Variants in NT5C2 observed in about 807,000 individuals in gnomAD.
NT5C2 encodes cytosolic purine 5'-nucleotidase.
In NT5C2, 58 loss-of-function variants were observed where a neutral mutation model predicts 76.1. That is an observed-to-expected ratio of 0.76 (90% CI 0.62 to 0.95). The LOEUF (loss-of-function observed/expected upper bound fraction) is 0.95. Among genes scored for constraint, NT5C2 ranks in the 40% least tolerant of loss-of-function variants. The probability of loss-of-function intolerance (pLI) is 0.00; values close to 1 mark genes in which losing one functional copy is unlikely to be tolerated. For missense variants in NT5C2, 478 were observed against 690.3 expected, an observed-to-expected ratio of 0.69 and a Z score of 3.45; for synonymous variants, 229 against 237.4, an observed-to-expected ratio of 0.96 and a Z score of 0.32.
At chr10:103,137,757 T>A (rs1461053241) in intron 4 of NT5C2, among the ~76,000 whole-genome samples, 1 of 152,202 alleles carries the variant, frequency 6.6e-6, no homozygotes, top group Non-Finnish European at 1.5e-5. Context: ...TTAAATTAAA[T>A]GCATTTCCAC....
At chr10:103,176,532 G>C (rs1481011080) in intron 2 of NT5C2, among the ~76,000 whole-genome samples, 1 of 152,116 alleles carries the variant, frequency 6.6e-6, no homozygotes, top group Admixed American at 6.6e-5. Context: ...GTGTCTGCTG[G>C]CACTTGGGCT....
intron 4 of NT5C2, chr10:103,111,955 C>G (rs2073150737): frequency 4.6e-6 from 2 of 432,414 alleles, no homozygotes; most frequent in South Asian, 2.6e-4. Context: ...AAGCCTCTGA[C>G]CATCACTAAA....
chr10:103,183,176 G>C (rs2091388305), intron 1 of NT5C2, among the ~76,000 whole-genome samples: 1 of 149,394 alleles, frequency 6.7e-6, no homozygotes, highest in Non-Finnish European at 1.5e-5. Context: ...TGTGAAATAA[G>C]CTATAGCTTT....
chr10:103,123,249 AG>A (rs2076035342), intron 4 of NT5C2, among the ~76,000 whole-genome samples: 1 of 152,122 alleles, frequency 6.6e-6, no homozygotes, highest in Non-Finnish European at 1.5e-5. Flanking sequence ...CTGCTTCCCA[AG>A]TAGCTGGGAC....
intron 4 of NT5C2, among the ~76,000 whole-genome samples, chr10:103,130,937 A>G (rs2078053665): frequency 6.6e-6 from 1 of 152,226 alleles, no homozygotes. Flanking sequence ...CAATTTGCCA[A>G]GACTAAATCC....
chr10:103,192,398 G>A (rs1336274046), intron 1 of NT5C2, among the ~76,000 whole-genome samples: 1 of 152,206 alleles, frequency 6.6e-6, no homozygotes, highest in African/African-American at 2.4e-5. Flanking sequence ...TCGGACAGCA[G>A]CCTCTACCTG....
At position 103,088,078 on chromosome 10, in the gene NT5C2, CTGA is replaced by C. The variant is rs1291572488; in HGVS notation, c.*1591_*1593del. ...TTATTTCCTTTAAGAGAATATCAAACTGATGTCACCAAATCTAAACCCACTTGA... is the reference window on the plus strand; with the variant it reads ...TTATTTCCTTTAAGAGAATATCAAACTGTCACCAAATCTAAACCCACTTGA... On this transcript the variant is annotated 3_prime_UTR_variant, in exon 19 of 19. Transcript: ENST00000404739. 1 of 152,166 alleles carries C rather than the reference CTGA, an allele frequency of 6.6e-6. No homozygotes were observed. The highest frequency in any genetic ancestry group is 1.5e-5 in the Non-Finnish European group (1 of 68,038). 9.4% of individuals were successfully genotyped at this position (152,166 alleles called of 1,614,324 possible).
At chr10:103,138,364 A>G (rs1289131516) in intron 4 of NT5C2, among the ~76,000 whole-genome samples, 1 of 152,084 alleles carries the variant, frequency 6.6e-6, no homozygotes, top group Non-Finnish European at 1.5e-5. Flanking sequence ...CTGCACCTAT[A>G]AACCCGTCAT....
chr10:103,188,275 T>C (rs904051895), intron 1 of NT5C2, among the ~76,000 whole-genome samples: 1 of 151,978 alleles, frequency 6.6e-6, no homozygotes, highest in Non-Finnish European at 1.5e-5. Context: ...GACGAATCAC[T>C]TGAACCCAGG....
intron 3 of NT5C2, among the ~76,000 whole-genome samples, chr10:103,156,446 A>C (rs2083398681): frequency 6.6e-6 from 1 of 152,246 alleles, no homozygotes; most frequent in South Asian, 2.1e-4. Context: ...GTAACAATTA[A>C]AGTCCTCTTT....
intron 2 of NT5C2, among the ~76,000 whole-genome samples, chr10:103,179,604 G>A (rs1454559142): frequency 2.0e-5 from 3 of 151,934 alleles, no homozygotes; most frequent in African/African-American, 7.3e-5. Flanking sequence ...GGGAGGCTGA[G>A]ACAGGAGGAT....
At chr10:103,163,744 T>C (rs1036400975) in intron 3 of NT5C2, among the ~76,000 whole-genome samples, 1 of 149,374 alleles carries the variant, frequency 6.7e-6, no homozygotes, top group Non-Finnish European at 1.5e-5. Flanking sequence ...GGGCCAGGCA[T>C]GGTGGCTCAC....
intron 4 of NT5C2, among the ~76,000 whole-genome samples, chr10:103,132,240 C>T (rs560596787): frequency 3.7e-5 from 5 of 136,908 alleles, no homozygotes; most frequent in Admixed American, 7.5e-5. Context: ...AACTTCATCT[C>T]GAAAAAAAAA....
chr10:103,092,944 CCT>C (rs576496101), intron 15 of NT5C2, among the ~76,000 whole-genome samples, 193 bp downstream of exon 15: 4 of 152,142 alleles, frequency 2.6e-5, no homozygotes, highest in Non-Finnish European at 5.9e-5. Flanking sequence ...AACAAGATAA[CCT>C]CTCATATTTA....
At chr10:103,114,524 T>C (rs1396179542) in intron 4 of NT5C2, among the ~76,000 whole-genome samples, 1 of 152,208 alleles carries the variant, frequency 6.6e-6, no homozygotes, top group Non-Finnish European at 1.5e-5. Flanking sequence ...GGGCCAACAG[T>C]GTGCACCTCT....
chr10:103,137,448 T>TA (rs1321693197), intron 4 of NT5C2, among the ~76,000 whole-genome samples: 1 of 152,190 alleles, frequency 6.6e-6, no homozygotes, highest in African/African-American at 2.4e-5. Context: ...ACTTGTTTGG[T>TA]AAAAAAATCA....
intron 3 of NT5C2, among the ~76,000 whole-genome samples, chr10:103,151,533 T>TTA (rs759954870): frequency 5.3e-5 from 8 of 151,938 alleles, no homozygotes; most frequent in Non-Finnish European, 1.2e-4. Context: ...AATCAATTGA[T>TTA]TATATATATG....
chr10:103,165,921 TG>T (rs1198161145), intron 3 of NT5C2, among the ~76,000 whole-genome samples: 2 of 151,834 alleles, frequency 1.3e-5, no homozygotes, highest in African/African-American at 4.8e-5. Context: ...CCGCCTGGCT[TG>T]GCCTCCCAAA....
At chr10:103,103,819 A>G (rs1299390965) in intron 6 of NT5C2, among the ~76,000 whole-genome samples, 2 of 151,836 alleles carry the variant, frequency 1.3e-5, no homozygotes, top group African/African-American at 2.4e-5. Context: ...CTCTATCTTC[A>G]GTCTCTTCTT....
Sources: gnomAD v4.1 joint callset for allele counts (sites outside exome capture counted in the v4.1 genomes callset) on GRCh38, gnomAD v4.1.1 for gene constraint, MANE v1.5 for transcripts, NCBI Gene and HGNC (gene_info 2026-07-23, HGNC 2026-07-21) for gene names.